PTPRS: variants seen among roughly 807,000 people sequenced by gnomAD.
PTPRS encodes receptor-type tyrosine-protein phosphatase S.
Under a neutral mutation model 215.3 loss-of-function variants are expected in PTPRS, and 63 were observed. The ratio of observed to expected loss-of-function variants is 0.29; its 90% confidence interval spans 0.24 to 0.36. The LOEUF (loss-of-function observed/expected upper bound fraction) is 0.36. PTPRS is among the 10% of genes least tolerant of loss of function. PTPRS has a pLI of 1.00. For synonymous variants in PTPRS, 1,404 were observed against 1,191.4 expected (o/e 1.18, Z -3.68); for missense variants, 2,258 against 2,825.8 (o/e 0.80, Z 4.56).
intron 1 of PTPRS, among the ~76,000 whole-genome samples, chr19:5,298,210 T>A (rs1053594780): frequency 6.6e-6 from 1 of 152,204 alleles, no homozygotes; most frequent in South Asian, 2.1e-4. Flanking sequence ...AATTCCCACT[T>A]GTTTATCCCA....
chr19:5,340,075 C>G (rs1386317991), intron 1 of PTPRS, among the ~76,000 whole-genome samples: 4 of 151,802 alleles, frequency 2.6e-5, no homozygotes, highest in Admixed American at 6.6e-5. Flanking sequence ...TAGGGGGTCT[C>G]CAGGGGAGGG....
intron 1 of PTPRS, among the ~76,000 whole-genome samples, chr19:5,323,004 T>C (rs536536267): frequency 7.4e-4 from 112 of 151,994 alleles, no homozygotes; most frequent in African/African-American, 2.6e-3. Context: ...CCTGGAGCCC[T>C]ACTGTGTGCA....
At chr19:5,291,266 C>G (rs1049327354) in intron 1 of PTPRS, among the ~76,000 whole-genome samples, 1 of 152,058 alleles carries the variant, frequency 6.6e-6, no homozygotes, top group Non-Finnish European at 1.5e-5. Flanking sequence ...GTGCTGAGCC[C>G]CATTAAATGT....
At chr19:5,218,581 A>G in intron 24 of PTPRS, 49 bp from the exon 25 acceptor site, 1 of 1,581,872 alleles carries the variant, frequency 6.3e-7, no homozygotes, top group South Asian at 1.1e-5. Flanking sequence ...GCACATGTTC[A>G]TGTGTGAACA....
intron 1 of PTPRS, among the ~76,000 whole-genome samples, chr19:5,302,901 C>A (rs372517535): frequency 3.5e-3 from 390 of 112,386 alleles, no homozygotes; most frequent in African/African-American, 6.9e-3. Context: ...ACTAAAAATA[C>A]AAAAAAAAAA....
At chr19:5,277,471 T>C (rs749160069) in intron 2 of PTPRS, among the ~76,000 whole-genome samples, 2 of 151,756 alleles carry the variant, frequency 1.3e-5, no homozygotes, top group Admixed American at 6.6e-5. Flanking sequence ...CTGGCTAACA[T>C]GGTGAAAACC....
intron 2 of PTPRS, among the ~76,000 whole-genome samples, chr19:5,285,422 T>C (rs2048261192): frequency 6.6e-6 from 1 of 152,230 alleles, no homozygotes; most frequent in Non-Finnish European, 1.5e-5. Context: ...CTCTAAACTA[T>C]ACCAACCTCT....
At chr19:5,283,342 C>T (rs1003608651) in intron 2 of PTPRS, among the ~76,000 whole-genome samples, 29 of 152,208 alleles carry the variant, frequency 1.9e-4, no homozygotes, top group African/African-American at 6.0e-4. Flanking sequence ...TCTGGGAGAC[C>T]GAGGTGGGCA....
At chr19:5,304,100 T>A (rs185555645) in intron 1 of PTPRS, among the ~76,000 whole-genome samples, 48 of 152,254 alleles carry the variant, frequency 3.2e-4, no homozygotes, top group African/African-American at 1.1e-3. Context: ...ACCTACTGTA[T>A]ACCAGGCTCT....
chr19:5,225,013 A>C (rs2042351227), intron 17 of PTPRS, among the ~76,000 whole-genome samples: 4 of 144,944 alleles, frequency 2.8e-5, no homozygotes, highest in African/African-American at 5.2e-5. Context: ...ACCACGCCCC[A>C]CCCCCCAAGT....
At chr19:5,271,170 T>C (rs551786245) in intron 4 of PTPRS, among the ~76,000 whole-genome samples, 80 of 152,284 alleles carry the variant, frequency 5.3e-4, no homozygotes, top group Non-Finnish European at 8.4e-4. Context: ...CTCATATACA[T>C]GACTGGGATG....
chr19:5,268,199 T>A (rs954857389), intron 4 of PTPRS, among the ~76,000 whole-genome samples: 57 of 151,974 alleles, frequency 3.8e-4, no homozygotes, highest in African/African-American at 7.0e-4. Context: ...ATTAATTAAT[T>A]AATTAAATAA....
intron 1 of PTPRS, among the ~76,000 whole-genome samples, chr19:5,323,709 G>C (rs1278298824): frequency 6.6e-6 from 1 of 152,232 alleles, no homozygotes; most frequent in African/African-American, 2.4e-5. Flanking sequence ...GGTTGTGCAA[G>C]GCCTGGTGGG....
chr19:5,338,076 C>G lies in PTPRS; in HGVS notation c.-95+2588G>C, dbSNP rs2050563284. Among the ~76,000 whole-genome samples, 1 of 152,052 alleles carries G rather than the reference C, an allele frequency of 6.6e-6. No individual in the cohort carries two copies. Among genetic ancestry groups the G allele is most frequent in the Non-Finnish European group, 1.5e-5 (1 of 68,014 alleles). On this transcript the variant is annotated intron_variant, in intron 1 of 37. Coordinates refer to ENST00000262963, the MANE Select transcript of PTPRS (RefSeq NM_002850.4). The surrounding 1 kb of genome is among the most constrained non-coding windows in gnomAD (Gnocchi z 4.2). ...ACCCTCCAGCGCCTCAGCCGGGCCA[C>G]GCCAAAATGACCTGTCACCCATCTC...
chr19:5,301,869 T>C (rs2049315045), intron 1 of PTPRS, among the ~76,000 whole-genome samples: 1 of 152,098 alleles, frequency 6.6e-6, no homozygotes, highest in South Asian at 2.1e-4. Context: ...CAACCTCCGC[T>C]TCCTGGGTTC....
At chr19:5,259,248 C>T (rs2045802670) in intron 7 of PTPRS, among the ~76,000 whole-genome samples, 1 of 152,220 alleles carries the variant, frequency 6.6e-6, no homozygotes, top group Non-Finnish European at 1.5e-5. Context: ...GAAAATAGGA[C>T]TGATTTCCCC....
At chr19:5,268,157 A>G (rs945995364) in intron 4 of PTPRS, among the ~76,000 whole-genome samples, 6 of 151,778 alleles carry the variant, frequency 4.0e-5, no homozygotes, top group South Asian at 4.2e-4. Flanking sequence ...GCGACAGAGC[A>G]AGACTCCATC....
At chr19:5,297,347 A>C (rs1228942310) in intron 1 of PTPRS, among the ~76,000 whole-genome samples, 3 of 152,220 alleles carry the variant, frequency 2.0e-5, no homozygotes, top group African/African-American at 7.2e-5. Context: ...AGTTACCCAC[A>C]ATCCATCCCT....
In PTPRS at chr19:5,212,392, G is replaced by A. The variant is rs558410776; in HGVS notation, c.4714C>T (p.Arg1572Trp). The A allele has an allele frequency of 8.7e-6, 14 of 1,607,378 alleles. No individual in the cohort carries two copies. Among genetic ancestry groups the A allele is most frequent in the East Asian group, 6.7e-5 (3 of 44,550 alleles). The part of the protein sequence containing the change: ...EYPTPFLAFL[R>W]RVKTCNPPDA... ...GGCGGGTTGCAGGTCTTGACTCTCCGCAGGAAAGCCAGGAAGGGCGTTGGG... is the reference window on the plus strand; with the variant it reads ...GGCGGGTTGCAGGTCTTGACTCTCCACAGGAAAGCCAGGAAGGGCGTTGGG... Residue 1572 changes from arginine to tryptophan, a missense_variant, in exon 31 of 38, where the codon CGG becomes TGG. Physicochemically the swap from Arg to Trp is moderately radical, Grantham distance 101 (BLOSUM62 -3). Around this residue, in one of 6 missense-constraint regions of PTPRS, gnomAD observed 927 missense variants for 1,125.9 expected, o/e 0.82. Coordinates refer to ENST00000262963, the MANE Select transcript of PTPRS (RefSeq NM_002850.4).
Sources: allele counts gnomAD v4.1 joint callset (sites outside exome capture counted in the v4.1 genomes callset), GRCh38; gene constraint gnomAD v4.1.1; regional missense constraint gnomAD v4.1.1; non-coding constraint Gnocchi (gnomAD v3.1); transcripts MANE v1.5; gene names NCBI Gene and HGNC (gene_info 2026-07-23, HGNC 2026-07-21).